Variants in OTUD7A observed in about 807,000 individuals in gnomAD.
OTUD7A encodes the protein OTU deubiquitinase 7A, also known as OTU domain-containing protein 7A.
A neutral mutation model predicts 65.7 loss-of-function variants in OTUD7A; 12 were observed. That is an observed-to-expected ratio of 0.18 (90% confidence interval 0.12 to 0.30). OTUD7A has a LOEUF of 0.30. OTUD7A is among the 10% of genes least tolerant of loss of function. OTUD7A has a pLI of 1.00. For missense variants in OTUD7A, 1,148 were observed against 1,304.8 expected (o/e 0.88, Z 1.85); for synonymous variants, 641 against 586.3 (o/e 1.09, Z -1.35).
Position 31,560,800 on chromosome 15 carries a change from GT to G in OTUD7A, c.332-1614del, listed in dbSNP as rs1318872478. On this transcript the variant is annotated intron_variant, in intron 4 of 12. Coordinates refer to ENST00000307050, the MANE Select transcript of OTUD7A (RefSeq NM_001382637.1). ...CCAGTTCAGCCTGCCCACTGGTGAG[GT>G]CTGTGCTCCTGCAATGCCCCTCTGA... 3.3e-5 allele frequency among the ~76,000 whole-genome samples: 5 copies of G among 152,328 alleles called. No homozygotes were observed. In the South Asian group the frequency reaches 1.0e-3, roughly 32 times the overall value.
At chr15:31,673,718 A>T (rs555442104) in intron 1 of OTUD7A, among the ~76,000 whole-genome samples, 5 of 152,320 alleles carry the variant, frequency 3.3e-5, no homozygotes, top group Middle Eastern at 3.4e-3. Context: ...CCAATCATTA[A>T]ATCAGTTCTT....
chr15:31,495,258 T>C (rs147870388), intron 10 of OTUD7A, among the ~76,000 whole-genome samples: 8 of 152,312 alleles, frequency 5.3e-5, no homozygotes, highest in Admixed American at 2.6e-4. Context: ...TTGATGGTCA[T>C]TGGGGTAGGG....
At chr15:31,691,087 G>A (rs1179446213) in intron 1 of OTUD7A, among the ~76,000 whole-genome samples, 1 of 151,922 alleles carries the variant, frequency 6.6e-6, no homozygotes, top group Non-Finnish European at 1.5e-5. Context: ...TAACTCAACA[G>A]GAAGAACCTG....
At chr15:31,540,269 T>A (rs1436530078) in intron 5 of OTUD7A, among the ~76,000 whole-genome samples, 2 of 152,184 alleles carry the variant, frequency 1.3e-5, no homozygotes, top group Admixed American at 1.3e-4. Flanking sequence ...CAATCATCAC[T>A]CTTCCCACAA....
chr15:31,830,921 T>C (rs1398048150), intron 1 of OTUD7A, among the ~76,000 whole-genome samples: 1 of 152,190 alleles, frequency 6.6e-6, no homozygotes, highest in Non-Finnish European at 1.5e-5. Context: ...GTTTGGGATG[T>C]TAGTACAAGG....
At chr15:31,862,053 TC>T (rs1897756200) in intron 1 of OTUD7A, among the ~76,000 whole-genome samples, 1 of 151,954 alleles carries the variant, frequency 6.6e-6, no homozygotes, top group Admixed American at 6.6e-5. Context: ...GTGTCATGCC[TC>T]CCCCAGGGGA....
rs574428645 is a variant in OTUD7A, at chr15:31,488,075, C to T, written c.1172-509G>A. On this transcript the variant is annotated intron_variant, in intron 10 of 12. Transcript: ENST00000307050. ...ACCCATGGACCCACCCGCCCCTGCC[C>T]GTGGGAAGCTCACCTGTGCTGGGGA... Among the ~76,000 whole-genome samples, 6 of 152,306 alleles carry T rather than the reference C, an allele frequency of 3.9e-5. No homozygotes were observed. The East Asian group carries it at 5.8e-4, about 15-fold the overall frequency.
At chr15:31,614,218 G>C (rs1478970627) in intron 3 of OTUD7A, among the ~76,000 whole-genome samples, 1 of 151,906 alleles carries the variant, frequency 6.6e-6, no homozygotes, top group African/African-American at 2.4e-5. Flanking sequence ...TCAGGTGATG[G>C]GTGCACCAAA....
intron 3 of OTUD7A, among the ~76,000 whole-genome samples, chr15:31,599,508 G>T (rs547286787): frequency 6.6e-6 from 1 of 152,262 alleles, no homozygotes; most frequent in African/African-American, 2.4e-5. Context: ...AAGACCAAAG[G>T]TAGATAAATC....
rs555777248 is a variant in OTUD7A at position 31,727,178 on chromosome 15, C to A, written c.-99-70101G>T. 9.2e-5 allele frequency among the ~76,000 whole-genome samples: 14 copies of A among 152,344 alleles called. No individual in the cohort carries two copies. The East Asian group carries it at 2.7e-3, about 29-fold the overall frequency. On this transcript the variant is annotated intron_variant, in intron 1 of 12. Coordinates refer to ENST00000307050, the MANE Select transcript of OTUD7A (RefSeq NM_001382637.1). ...AACTTGGCCATGCATCCATTCTCAG[C>A]CTGGTATCCCATACTCCAAGTGGCT...
chr15:31,670,428 C>T (rs994817362), intron 1 of OTUD7A, among the ~76,000 whole-genome samples: 8 of 152,140 alleles, frequency 5.3e-5, no homozygotes, highest in South Asian at 2.1e-4. Flanking sequence ...TTCTCCACAG[C>T]GTCACCAGCA....
chr15:31,753,571 T>C (rs1346975638), intron 1 of OTUD7A, among the ~76,000 whole-genome samples: 2 of 151,214 alleles, frequency 1.3e-5, no homozygotes, highest in African/African-American at 4.9e-5. Flanking sequence ...CATTCCTGAG[T>C]TACTTCACTT....
intron 3 of OTUD7A, among the ~76,000 whole-genome samples, chr15:31,619,337 T>C (rs980605116): frequency 1.3e-5 from 2 of 152,218 alleles, no homozygotes; most frequent in African/African-American, 4.8e-5. Flanking sequence ...TTGATGGGGA[T>C]GGCATTGAAT....
At chr15:31,607,698 A>C (rs915208498) in intron 3 of OTUD7A, among the ~76,000 whole-genome samples, 4 of 152,186 alleles carry the variant, frequency 2.6e-5, no homozygotes, top group African/African-American at 9.7e-5. Context: ...TACATGCACA[A>C]ATACTTAGTA....
chr15:31,530,004 T>C (rs1253846982), intron 6 of OTUD7A, among the ~76,000 whole-genome samples: 4 of 152,208 alleles, frequency 2.6e-5, no homozygotes, highest in Non-Finnish European at 5.9e-5. Context: ...TAACTGAGGT[T>C]CCAGAAAGTC....
intron 3 of OTUD7A, among the ~76,000 whole-genome samples, chr15:31,622,450 GC>G (rs1414366784): frequency 6.6e-6 from 1 of 152,118 alleles, no homozygotes; most frequent in East Asian, 1.9e-4. Context: ...TTTCTTGGAG[GC>G]TTTGTTTGTT....
Position 31,483,316 on chromosome 15 carries a change from T to C in OTUD7A, c.2780A>G (p.Glu927Gly). ...CGCTCAGGGCCGGGCCCCGCGCGCC[T>C]CGCGCCGCCGCCGCAGCTCCTCGCG... ...CYREELRRRREARGARP is the reference protein window; with the variant it reads ...CYREELRRRRGARGARP Residue 927 changes from glutamate (E) to glycine (G), a missense_variant, in exon 13 of 13, where the codon GAG (glutamate) becomes GGG (glycine). Glu to Gly is a moderately conservative substitution (Grantham distance 98). This residue lies in a region of OTUD7A where 842 missense variants were observed against 769.5 expected (regional missense o/e 1.09). Transcript: ENST00000307050. 1 of 1,190,014 alleles carries C rather than the reference T, an allele frequency of 8.4e-7. No individual in the cohort carries two copies. Among genetic ancestry groups the C allele is most frequent in the Non-Finnish European group, 1.0e-6 (1 of 960,268 alleles). 73.7% of individuals were successfully genotyped at this position (1,190,014 alleles called of 1,614,324 possible).
At chr15:31,523,040 C>T (rs150197350) in intron 8 of OTUD7A, among the ~76,000 whole-genome samples, 1 of 152,314 alleles carries the variant, frequency 6.6e-6, no homozygotes, top group Non-Finnish European at 1.5e-5. Context: ...ATGAATAAAG[C>T]CACCTTAGTT....
At chr15:31,742,548 G>C (rs1186299283) in intron 1 of OTUD7A, among the ~76,000 whole-genome samples, 4 of 151,992 alleles carry the variant, frequency 2.6e-5, no homozygotes, top group African/African-American at 7.2e-5. Flanking sequence ...GTTCATATTT[G>C]TAACATGTCA....
Sources: gnomAD v4.1 joint callset for allele counts (sites outside exome capture counted in the v4.1 genomes callset) on GRCh38, gnomAD v4.1.1 for gene constraint, gnomAD v4.1.1 regional missense constraint, MANE v1.5 for transcripts, NCBI Gene and HGNC (gene_info 2026-07-23, HGNC 2026-07-21) for gene names.